Variants in NKAIN2 observed in about 807,000 individuals in gnomAD.
NKAIN2 encodes sodium/potassium transporting ATPase interacting 2, also known as sodium/potassium-transporting ATPase subunit beta-1-interacting protein 2.
Under a neutral mutation model 32.6 loss-of-function variants are expected in NKAIN2, and 14 were observed. That is an observed-to-expected ratio of 0.43 (90% confidence interval 0.28 to 0.67). The LOEUF (loss-of-function observed/expected upper bound fraction) is 0.67. Among genes scored for constraint, NKAIN2 ranks in the 30% least tolerant of loss-of-function variants. NKAIN2 has a pLI of 0.17. For synonymous variants in NKAIN2, 80 were observed against 87.2 expected, an observed-to-expected ratio of 0.92 and a Z score of 0.46; for missense variants, 198 against 258.3, an observed-to-expected ratio of 0.77 and a Z score of 1.60.
At chr6:124,336,308 C>T (rs1797854740) in intron 2 of NKAIN2, among the ~76,000 whole-genome samples, 1 of 152,086 alleles carries the variant, frequency 6.6e-6, no homozygotes, top group Non-Finnish European at 1.5e-5. Flanking sequence ...AACTTTTTTG[C>T]CAGTGGTTTA....
At chr6:124,787,433 C>CA (rs1159234214) in intron 4 of NKAIN2, among the ~76,000 whole-genome samples, 1 of 151,648 alleles carries the variant, frequency 6.6e-6, no homozygotes, top group Non-Finnish European at 1.5e-5. Flanking sequence ...AAAACAAATG[C>CA]AAAAAAAGAA....
At chr6:124,181,536 C>A (rs1387828475) in intron 1 of NKAIN2, among the ~76,000 whole-genome samples, 1 of 152,118 alleles carries the variant, frequency 6.6e-6, no homozygotes, top group Non-Finnish European at 1.5e-5. Flanking sequence ...CAAACCATAT[C>A]TCTGTGAATA....
intron 1 of NKAIN2, among the ~76,000 whole-genome samples, chr6:124,271,671 A>G (rs541348116): frequency 6.6e-6 from 1 of 152,230 alleles, no homozygotes; most frequent in Non-Finnish European, 1.5e-5. Flanking sequence ...AGGTTGGAAC[A>G]GTTTAGAGGT....
At chr6:124,412,042 A>G (rs1472896883) in intron 3 of NKAIN2, among the ~76,000 whole-genome samples, 3 of 152,042 alleles carry the variant, frequency 2.0e-5, no homozygotes, top group Admixed American at 1.3e-4. Flanking sequence ...CAGGTCCTTT[A>G]AGGACTTCTC....
chr6:123,915,410 A>T (rs1775436565), intron 1 of NKAIN2, among the ~76,000 whole-genome samples: 1 of 152,018 alleles, frequency 6.6e-6, no homozygotes, highest in Non-Finnish European at 1.5e-5. Flanking sequence ...TCACTTTACC[A>T]CCCAACTCCC....
At position 124,197,990 on chromosome 6, in the gene NKAIN2, A is replaced by G. The variant is rs141970403; in HGVS notation, c.55-85015A>G. On this transcript the variant is annotated intron_variant, in intron 1 of 6. Transcript: ENST00000368417. Reference sequence around the variant, plus strand: ...GAAGGGCCAGCTTTCGAAATCTGCCAGGTTACTAGTTTGTGGGGATTGAGT... The same window carrying G: ...GAAGGGCCAGCTTTCGAAATCTGCCGGGTTACTAGTTTGTGGGGATTGAGT... 4.7e-3 allele frequency among the ~76,000 whole-genome samples: 718 copies of G among 152,110 alleles called. 9 individuals carry two copies. The highest frequency in any genetic ancestry group is 0.014 in the African/African-American group (588 of 41,500).
chr6:124,642,795 T>C (rs1393624927), intron 3 of NKAIN2, among the ~76,000 whole-genome samples: 1 of 152,196 alleles, frequency 6.6e-6, no homozygotes, highest in African/African-American at 2.4e-5. Context: ...AATTTGCTTT[T>C]TTCCCTTAAA....
chr6:124,268,531 G>GA lies in NKAIN2; in HGVS notation c.55-14466dup, dbSNP rs551543592. On this transcript the variant is annotated intron_variant, in intron 1 of 6. Coordinates refer to ENST00000368417, the MANE Select transcript of NKAIN2 (RefSeq NM_001040214.3). ...ATCATGCTGAGCACTATGTGAAGTA[G>GA]AAAAAAAACTCTATTACTTACATAT... is the stretch of plus-strand genomic sequence containing the variant. Among the ~76,000 whole-genome samples, 132 of 151,520 alleles carry GA rather than the reference G, an allele frequency of 8.7e-4. 1 individual carries two copies. Among genetic ancestry groups the GA allele is most frequent in the Admixed American group, 5.0e-3 (76 of 15,188 alleles).
At chr6:124,814,093 T>C (rs1781035475) in intron 5 of NKAIN2, among the ~76,000 whole-genome samples, 1 of 152,206 alleles carries the variant, frequency 6.6e-6, no homozygotes, top group Non-Finnish European at 1.5e-5. Flanking sequence ...TACCTCTCTA[T>C]CTACATGGCA....
chr6:124,369,923 A>G (rs992235233), intron 3 of NKAIN2, among the ~76,000 whole-genome samples: 2 of 117,980 alleles, frequency 1.7e-5, no homozygotes, highest in African/African-American at 7.0e-5. Context: ...CTCTGGGACA[A>G]TTGATGCTTT....
chr6:124,508,470 T>G (rs529678711), intron 3 of NKAIN2, among the ~76,000 whole-genome samples: 3 of 150,612 alleles, frequency 2.0e-5, no homozygotes, highest in Non-Finnish European at 4.4e-5. Context: ...TCAGCCTCCC[T>G]AGTAGCTGGG....
chr6:124,630,151 A>G (rs531399291), intron 3 of NKAIN2, among the ~76,000 whole-genome samples: 6 of 152,296 alleles, frequency 3.9e-5, no homozygotes, highest in Admixed American at 1.3e-4. Flanking sequence ...GGTATTTAGA[A>G]GTATATACGG....
intron 1 of NKAIN2, among the ~76,000 whole-genome samples, chr6:124,188,800 T>C (rs1183001585): frequency 2.6e-5 from 4 of 152,192 alleles, no homozygotes; most frequent in Non-Finnish European, 5.9e-5. Context: ...TTTCAGCCTT[T>C]TAATGGCTCT....
chr6:124,550,480 A>C (rs1455723364), intron 3 of NKAIN2, among the ~76,000 whole-genome samples: 1 of 152,116 alleles, frequency 6.6e-6, no homozygotes, highest in African/African-American at 2.4e-5. Flanking sequence ...CCTGGGTTCA[A>C]ACAGTTCTCC....
At chr6:124,265,730 T>C (rs1794462367) in intron 1 of NKAIN2, among the ~76,000 whole-genome samples, 2 of 152,276 alleles carry the variant, frequency 1.3e-5, no homozygotes, top group South Asian at 4.1e-4. Flanking sequence ...CGTATGAGGC[T>C]TTAGACTTTG....
chr6:124,620,669 C>T (rs1351932135), intron 3 of NKAIN2, among the ~76,000 whole-genome samples: 2 of 152,128 alleles, frequency 1.3e-5, no homozygotes, highest in Non-Finnish European at 2.9e-5. Context: ...TTACACTGTC[C>T]GTTGGCCTGT....
intron 3 of NKAIN2, among the ~76,000 whole-genome samples, chr6:124,406,196 T>G (rs1213001217): frequency 6.6e-6 from 1 of 152,102 alleles, no homozygotes; most frequent in Non-Finnish European, 1.5e-5. Flanking sequence ...ATTGAAAAAT[T>G]TCTACATATG....
intron 2 of NKAIN2, among the ~76,000 whole-genome samples, chr6:124,306,362 T>TATATATATCAGAG (rs776560393): frequency 1.3e-5 from 2 of 152,024 alleles, no homozygotes; most frequent in African/African-American, 4.8e-5. Flanking sequence ...CCTGAGTGAA[T>TATATATATCAGAG]ATATATATAT....
At chr6:124,604,367 G>A (rs1277482060) in intron 3 of NKAIN2, among the ~76,000 whole-genome samples, 5 of 151,946 alleles carry the variant, frequency 3.3e-5, no homozygotes, top group African/African-American at 1.2e-4. Context: ...TTTAATAGGT[G>A]TCAAAAACAT....
Sources: allele counts gnomAD v4.1 joint callset (sites outside exome capture counted in the v4.1 genomes callset), GRCh38; gene constraint gnomAD v4.1.1; transcripts MANE v1.5; gene names NCBI Gene and HGNC (gene_info 2026-07-23, HGNC 2026-07-21).